The following MATN3 variants were observed in gnomAD, a reference collection of about 807,000 sequenced individuals.
The protein encoded by MATN3 is matrilin 3, also known as matrilin-3.
Under a neutral mutation model 45.3 loss-of-function variants are expected in MATN3, and 48 were observed. That is an observed-to-expected ratio of 1.06 (90% CI 0.84 to 1.35). MATN3 has a LOEUF of 1.35. Ranked by LOEUF, MATN3 falls within the 40% of genes most tolerant of loss-of-function variation. MATN3 has a pLI of 0.00. For synonymous variants in MATN3, 217 were observed against 245.9 expected (o/e 0.88, Z 1.10); for missense variants, 599 against 628.0 (o/e 0.95, Z 0.49).
chr2:20,005,782 A>G lies in MATN3; in HGVS notation c.752T>C (p.Ile251Thr), dbSNP rs368478331. 46 of 1,606,710 alleles carry G rather than the reference A, an allele frequency of 2.9e-5. No homozygotes were observed. Among genetic ancestry groups the G allele is most frequent in the Non-Finnish European group, 3.7e-5 (43 of 1,175,586 alleles). Residue 251 changes from isoleucine to threonine, a missense_variant, in exon 2 of 8, where the codon ATT (isoleucine) becomes ACT (threonine). Coordinates refer to ENST00000407540, the MANE Select transcript of MATN3 (RefSeq NM_002381.5). ...HVFYVETYGVIEKLSSRFQET... is the reference protein window; with the variant it reads ...HVFYVETYGVTEKLSSRFQET... ...CTGGAATCTAGAGGAAAGTTTCTCA[A>G]TGACCCCATAGGTCTCCACGTAGAA...
intron 5 of MATN3, 67 bp downstream of exon 5, chr2:20,000,374 T>C (rs1325619563): frequency 1.2e-5 from 17 of 1,435,788 alleles, no homozygotes; most frequent in Non-Finnish European, 1.5e-5. Context: ...ACCTCTTTGC[T>C]GGTGAGTTGC....
chr2:20,002,146 C>T (rs192865808), intron 3 of MATN3, 66 bp from the exon 4 acceptor site: 85 of 1,225,014 alleles, frequency 6.9e-5, no homozygotes, highest in Middle Eastern at 5.4e-4. Flanking sequence ...TTGTGGGCCA[C>T]GCCACTTACA....
Position 20,012,322 on chromosome 2 carries a change from C to G in MATN3, c.223+87G>C. 1 of 1,071,828 alleles carries G rather than the reference C, an allele frequency of 9.3e-7. No individual in the cohort carries two copies. The highest frequency in any genetic ancestry group is 1.2e-6 in the Non-Finnish European group (1 of 844,468). 66.4% of individuals were successfully genotyped at this position (1,071,828 alleles called of 1,614,324 possible). ...CTCTTTCCCCCGCACCACGGTCGGC[C>G]TGAGGCCGGGATGAAGCGCGCTTGG... is the stretch of plus-strand genomic sequence containing the variant. On this transcript the variant is annotated intron_variant, in intron 1 of 7. Coordinates refer to ENST00000407540, the MANE Select transcript of MATN3 (RefSeq NM_002381.5). This position sits in a 1 kb window ranked among gnomAD's most constrained non-coding sequence, Gnocchi z 4.3.
chr2:20,009,016 G>A lies in MATN3; in HGVS notation c.224-2706C>T, dbSNP rs145557386. On this transcript the variant is annotated intron_variant, in intron 1 of 7. Transcript: ENST00000407540. ...GAGGGAGAAGGATCACTTGAGCTCC[G>A]GAGTTCTAGACCAGCCTGGGCAACA... Among the ~76,000 whole-genome samples the A allele has an allele frequency of 2.6e-5, 4 of 152,072 alleles. No homozygotes were observed. The East Asian group carries it at 7.7e-4, about 29-fold the overall frequency.
chr2:19,999,626 TAAAAAAAAAAAAA>T (rs56100312), intron 5 of MATN3, among the ~76,000 whole-genome samples: 10 of 120,194 alleles, frequency 8.3e-5, no homozygotes, highest in African/African-American at 2.9e-4. Context: ...GGTTTCCCTT[TAAAAAAAAAAAAA>T]AAAAAAAAAA....
intron 6 of MATN3, 60 bp downstream of exon 6, chr2:19,997,074 A>G (rs1672885871): frequency 6.3e-7 from 1 of 1,577,844 alleles, no homozygotes; most frequent in Admixed American, 1.7e-5. Context: ...AGAAAGAAAA[A>G]AGCTTGCTCC....
At chr2:20,005,521 A>G (rs1673079978) in intron 2 of MATN3, among the ~76,000 whole-genome samples, 1 of 152,200 alleles carries the variant, frequency 6.6e-6, no homozygotes, top group Non-Finnish European at 1.5e-5. Context: ...TTATGAGCAA[A>G]CCAAGTTCCA....
intron 1 of MATN3, among the ~76,000 whole-genome samples, chr2:20,009,904 T>C (rs1441756168): frequency 6.6e-6 from 1 of 151,838 alleles, no homozygotes; most frequent in Admixed American, 6.6e-5. Context: ...ACCAAACCAA[T>C]GTATTTCTTA....
chr2:19,994,556 CAA>C, intron 6 of MATN3, 147 bp from the exon 7 acceptor site: 1 of 579,410 alleles, frequency 1.7e-6, no homozygotes, highest in South Asian at 2.2e-5. Flanking sequence ...GATGAACAAA[CAA>C]AAAGACGAGA....
In MATN3 at chr2:20,000,565, A is replaced by C. The variant is rs773415468; in HGVS notation, c.1044T>G (p.Ala348=). 4 of 1,607,168 alleles carry C rather than the reference A, an allele frequency of 2.5e-6. No homozygotes were observed. Among genetic ancestry groups the C allele is most frequent in the Non-Finnish European group, 3.4e-6 (4 of 1,177,902 alleles). Residue 348 remains alanine, a splice_region_variant and synonymous_variant, in exon 5 of 8, where the codon GCT becomes GCG. Transcript: ENST00000407540. Reference sequence around the variant, plus strand: ...GGGTACCCAAAGCACATTTATCTTGAGCTGTGAAACAAAAAGTCAGGAGAA... The same window carrying C: ...GGGTACCCAAAGCACATTTATCTTGCGCTGTGAAACAAAAAGTCAGGAGAA... ...TLNEDRKTCS[A]QDKCALGTHG... is the part of the protein sequence containing the mutation.
At chr2:20,006,482 C>A (rs1265987994) in intron 1 of MATN3, among the ~76,000 whole-genome samples, 172 bp from the exon 2 acceptor site, 1 of 152,196 alleles carries the variant, frequency 6.6e-6, no homozygotes, top group East Asian at 1.9e-4. Context: ...CCAAGGACTT[C>A]AGAATTCCCT....
intron 1 of MATN3, among the ~76,000 whole-genome samples, chr2:20,007,825 A>G (rs1357073551): frequency 6.6e-6 from 1 of 152,220 alleles, no homozygotes; most frequent in East Asian, 1.9e-4. Flanking sequence ...GTTTAGTATC[A>G]CAGTACATTT....
Position 20,002,159 on chromosome 2 carries a change from T to TACACACACACAC in MATN3, c.917-80_917-79insGTGTGTGTGTGT, listed in dbSNP as rs534707164. ...AATTGTGGGCCACGCCACTTACAGT[T>TACACACACACAC]ATACACACACACACACACACACACA... is the stretch of plus-strand genomic sequence containing the variant. On this transcript the variant is annotated intron_variant, in intron 3 of 7. Transcript: ENST00000407540. 85 of 723,494 alleles carry TACACACACACAC rather than the reference T, an allele frequency of 1.2e-4. 1 individual carries two copies. In the African/African-American group the frequency reaches 1.4e-3, roughly 12 times the overall value. The allele number at this position is 723,494 out of a possible 1,614,324, so 44.8% of individuals were successfully genotyped here. A position where few individuals can be genotyped will look rare whatever the true frequency, so the allele number is the denominator to read the frequency against.
chr2:20,000,844 T>C (rs1446678419), intron 4 of MATN3, among the ~76,000 whole-genome samples: 1 of 152,244 alleles, frequency 6.6e-6, no homozygotes, highest in Non-Finnish European at 1.5e-5. Flanking sequence ...CTAGCATTCC[T>C]TTTAGGCTTA....
In MATN3 at chr2:19,995,859, C is replaced by A. The variant is rs936007231; in HGVS notation, c.1294+1275G>T. On this transcript the variant is annotated intron_variant, in intron 6 of 7. Coordinates refer to ENST00000407540, the MANE Select transcript of MATN3 (RefSeq NM_002381.5). The surrounding 1 kb of genome is among the most constrained non-coding windows in gnomAD (Gnocchi z 4.2). The stretch of plus-strand genomic sequence containing the variant: ...ATATAGGGATGGGAGATCATAAATT[C>A]ATTAAATATAATCTATCATCTATCC... Among the ~76,000 whole-genome samples the A allele has an allele frequency of 2.0e-5, 3 of 152,212 alleles. No individual in the cohort carries two copies. Among genetic ancestry groups the A allele is most frequent in the Non-Finnish European group, 2.9e-5 (2 of 68,032 alleles).
At chr2:20,000,018 A>G (rs1432747529) in intron 5 of MATN3, among the ~76,000 whole-genome samples, 3 of 152,192 alleles carry the variant, frequency 2.0e-5, no homozygotes, top group South Asian at 4.1e-4. Context: ...CTTTACTAAA[A>G]TCATCCAGCT....
chr2:20,003,062 A>C, intron 3 of MATN3, 99 bp downstream of exon 3: 2 of 1,418,618 alleles, frequency 1.4e-6, no homozygotes, highest in Non-Finnish European at 1.9e-6. Flanking sequence ...GCAGTTAGGT[A>C]AAAAGGGGTC....
At chr2:20,011,388 G>A (rs1335361385) in intron 1 of MATN3, among the ~76,000 whole-genome samples, 1 of 152,258 alleles carries the variant, frequency 6.6e-6, no homozygotes, top group African/African-American at 2.4e-5. Context: ...TGCCTTAGCA[G>A]CAATGCTTTT....
intron 5 of MATN3, 32 bp from the exon 6 acceptor site, chr2:19,997,291 TCA>T: frequency 6.4e-7 from 1 of 1,565,614 alleles, no homozygotes; most frequent in African/African-American, 1.4e-5. Context: ...AAGAAAATAT[TCA>T]CACATTAAAT....
Sources: gnomAD v4.1 joint callset for allele counts (sites outside exome capture counted in the v4.1 genomes callset) on GRCh38, gnomAD v4.1.1 for gene constraint, Gnocchi (gnomAD v3.1) non-coding constraint, MANE v1.5 for transcripts, NCBI Gene and HGNC (gene_info 2026-07-23, HGNC 2026-07-21) for gene names.